Variants in ZFHX3 observed in about 807,000 individuals in gnomAD.
The protein encoded by ZFHX3 is zinc finger homeobox 3.
Under a neutral mutation model 279.1 loss-of-function variants are expected in ZFHX3, and 42 were observed. The ratio of observed to expected loss-of-function variants is 0.15; its 90% confidence interval spans 0.12 to 0.19. The LOEUF (loss-of-function observed/expected upper bound fraction) is 0.19, where lower values mean the gene tolerates loss of function less well. Among genes scored for constraint, ZFHX3 ranks in the 10% least tolerant of loss-of-function variants. ZFHX3 has a pLI of 1.00. For missense variants in ZFHX3, 4,981 were observed against 4,754.0 expected (o/e 1.05, Z -1.40); for synonymous variants, 2,293 against 1,957.8 (o/e 1.17, Z -4.52).
chr16:73,775,042 G>A lies in ZFHX3; in HGVS notation c.-1607-94802C>T, dbSNP rs192414892. ...GAAATAGTACCCTGCTTCCATCCCCGCCTCTTCTCATTCCATTTTTCAAGT... is the reference window on the plus strand; with the variant it reads ...GAAATAGTACCCTGCTTCCATCCCCACCTCTTCTCATTCCATTTTTCAAGT... On this transcript the variant is annotated intron_variant, in intron 1 of 17. Coordinates refer to the ZFHX3 transcript ENST00000641206. Among the ~76,000 whole-genome samples, 1,128 of 151,936 alleles carry A rather than the reference G, an allele frequency of 7.4e-3. 32 individuals carry two copies. The highest frequency in any genetic ancestry group is 0.041 in the Admixed American group (619 of 15,254).
chr16:73,448,862 A>T (rs982025728), intron 3 of ZFHX3, among the ~76,000 whole-genome samples: 11 of 152,118 alleles, frequency 7.2e-5, no homozygotes, highest in African/African-American at 2.4e-4. Flanking sequence ...CAAAGAAAAA[A>T]TTCTGTATTT....
rs1472804905 is a variant in ZFHX3 at position 73,090,413 on chromosome 16, G to T, written c.-533+2822C>A. Among the ~76,000 whole-genome samples the T allele has an allele frequency of 2.0e-5, 3 of 152,242 alleles. No individual in the cohort carries two copies. In the East Asian group the frequency reaches 5.8e-4, roughly 29 times the overall value. On this transcript the variant is annotated intron_variant, in intron 8 of 17. Coordinates refer to the ZFHX3 transcript ENST00000641206. ...CAAATTAAGTAAATAAATAAATAAA[G>T]TACATTTGTTGTTGTGTACTTGGTT...
In ZFHX3 at chr16:72,870,134, G is replaced by A. The variant is rs1044927373; in HGVS notation, c.3448+19597C>T. Among the ~76,000 whole-genome samples the A allele has an allele frequency of 3.3e-5, 5 of 152,214 alleles. No homozygotes were observed. The South Asian group carries it at 1.0e-3, about 31-fold the overall frequency. ...TTAAAGAATATGGGCCAGGTGAGATGTAATCCCAGCACTTTGGGAGGCCAA... is the reference window on the plus strand; with the variant it reads ...TTAAAGAATATGGGCCAGGTGAGATATAATCCCAGCACTTTGGGAGGCCAA... On this transcript the variant is annotated intron_variant, in intron 4 of 9. Coordinates refer to ENST00000268489, the MANE Select transcript of ZFHX3 (RefSeq NM_006885.4).
chr16:73,704,140 A>G (rs1338588014), intron 1 of ZFHX3, among the ~76,000 whole-genome samples: 1 of 152,332 alleles, frequency 6.6e-6, no homozygotes, highest in African/African-American at 2.4e-5. Flanking sequence ...CAGAAATTAT[A>G]CAATTTCAGA....
At chr16:73,595,593 G>T (rs889761409) in intron 2 of ZFHX3, among the ~76,000 whole-genome samples, 1 of 152,132 alleles carries the variant, frequency 6.6e-6, no homozygotes, top group Non-Finnish European at 1.5e-5. Flanking sequence ...CTCTCTGGGT[G>T]TGATACATCT....
At chr16:73,734,148 G>A (rs989390041) in intron 1 of ZFHX3, among the ~76,000 whole-genome samples, 2 of 152,188 alleles carry the variant, frequency 1.3e-5, no homozygotes, top group Admixed American at 6.5e-5. Context: ...TCTGACAGGA[G>A]GTGGAGCTCA....
chr16:72,940,781 C>T (rs569412998), intron 3 of ZFHX3, among the ~76,000 whole-genome samples: 14 of 152,374 alleles, frequency 9.2e-5, no homozygotes, highest in African/African-American at 2.4e-4. Context: ...ACATGCTCCA[C>T]TCATTAACAG....
At chr16:73,812,231 T>A (rs910175487) in intron 1 of ZFHX3, among the ~76,000 whole-genome samples, 1 of 152,150 alleles carries the variant, frequency 6.6e-6, no homozygotes, top group African/African-American at 2.4e-5. Context: ...GGGCTGGGCA[T>A]CCATCCAGCT....
chr16:72,925,940 A>G lies in ZFHX3; in HGVS notation c.3216+24529T>C, dbSNP rs548887241. On this transcript the variant is annotated intron_variant, in intron 3 of 9. Transcript: ENST00000268489. ...TGTCAGTTTCTTGAAAGGGCCCTAT[A>G]TTTGTGCACGAAAGCATGTTCCCAA... Among the ~76,000 whole-genome samples the G allele has an allele frequency of 6.0e-4, 91 of 152,300 alleles. 1 individual carries two copies. The highest frequency in any genetic ancestry group is 2.1e-3 in the African/African-American group (89 of 41,558).
At chr16:72,896,668 C>T (rs958664511) in intron 3 of ZFHX3, among the ~76,000 whole-genome samples, 1 of 152,196 alleles carries the variant, frequency 6.6e-6, no homozygotes, top group African/African-American at 2.4e-5. Flanking sequence ...GTTCCTGTTA[C>T]TTGTTTCCCA....
intron 1 of ZFHX3, among the ~76,000 whole-genome samples, chr16:72,998,544 T>A (rs1281726547): frequency 1.3e-5 from 2 of 152,226 alleles, no homozygotes; most frequent in Non-Finnish European, 2.9e-5. Context: ...GTTTTCCTAC[T>A]AAGCCTGGGA....
intron 1 of ZFHX3, among the ~76,000 whole-genome samples, chr16:73,773,105 A>G (rs4888751): frequency 0.014 from 2,093 of 152,340 alleles, 119 homozygotes; most frequent in East Asian, 0.1. Context: ...CAGTAAATAA[A>G]TGGAAATAAG....
At chr16:72,844,882 T>C (rs1158362175) in intron 4 of ZFHX3, among the ~76,000 whole-genome samples, 1 of 143,628 alleles carries the variant, frequency 7.0e-6, no homozygotes, top group Non-Finnish European at 1.5e-5. Flanking sequence ...CCCTTCCTCA[T>C]TTCCGAGATG....
At chr16:72,834,239 C>A (rs1396905148) in intron 4 of ZFHX3, among the ~76,000 whole-genome samples, 1 of 152,130 alleles carries the variant, frequency 6.6e-6, no homozygotes, top group East Asian at 1.9e-4. Context: ...CAGAGTGAGA[C>A]CCTGTCTCAA....
At chr16:73,075,847 G>T (rs755315537) in intron 8 of ZFHX3, among the ~76,000 whole-genome samples, 16 of 152,034 alleles carry the variant, frequency 1.1e-4, no homozygotes, top group Middle Eastern at 3.2e-3. Flanking sequence ...GGCCAGGTTG[G>T]TCTCGAACTC....
chr16:73,855,391 T>G (rs1961701970), intron 1 of ZFHX3, among the ~76,000 whole-genome samples: 1 of 152,176 alleles, frequency 6.6e-6, no homozygotes, highest in Non-Finnish European at 1.5e-5. Flanking sequence ...GTGGCCTTCC[T>G]GAATTATCAG....
chr16:72,824,053 T>C (rs895702856), intron 5 of ZFHX3, among the ~76,000 whole-genome samples: 1 of 152,218 alleles, frequency 6.6e-6, no homozygotes, highest in African/African-American at 2.4e-5. Context: ...TATACAAAGC[T>C]GTAAACAACA....
intron 1 of ZFHX3, among the ~76,000 whole-genome samples, chr16:73,029,618 G>A (rs767032051): frequency 1.3e-5 from 2 of 152,144 alleles, no homozygotes; most frequent in Non-Finnish European, 2.9e-5. Context: ...TCTTCCCAAA[G>A]CCAACCACAT....
rs139087879 is a variant in ZFHX3, at chr16:73,101,225, T to C, written c.-896-7627A>G. ...TATCTCAATTGTGGTCCATAACCCA[T>C]CTTCTCAAAATTTCAAAATTTATTT... On this transcript the variant is annotated intron_variant, in intron 7 of 17. Transcript: ENST00000641206. Among the ~76,000 whole-genome samples the C allele has an allele frequency of 2.2e-3, 342 of 152,294 alleles. 1 individual carries two copies. Among genetic ancestry groups the C allele is most frequent in the African/African-American group, 7.8e-3 (324 of 41,574 alleles).
Sources: gnomAD v4.1 joint callset for allele counts (sites outside exome capture counted in the v4.1 genomes callset) on GRCh38, gnomAD v4.1.1 for gene constraint, MANE v1.5 for transcripts, NCBI Gene and HGNC (gene_info 2026-07-23, HGNC 2026-07-21) for gene names.